The following ENOX1 variants were observed in gnomAD, a reference collection of about 807,000 sequenced individuals.
The protein encoded by ENOX1 is ecto-NOX disulfide-thiol exchanger 1.
In ENOX1, 42 loss-of-function variants were observed where a neutral mutation model predicts 82.5. The ratio of observed to expected loss-of-function variants is 0.51; its 90% CI spans 0.40 to 0.66. ENOX1 has a LOEUF of 0.66. ENOX1 is among the 30% of genes least tolerant of loss of function. The pLI is 0.00. For synonymous variants in ENOX1, 271 were observed against 282.2 expected (o/e 0.96, Z 0.40); for missense variants, 608 against 811.6 (o/e 0.75, Z 3.05).
intron 15 of ENOX1, among the ~76,000 whole-genome samples, chr13:43,234,214 G>C (rs952624864): frequency 6.6e-6 from 1 of 152,034 alleles, no homozygotes; most frequent in African/African-American, 2.4e-5. Context: ...CCATTTTGCT[G>C]GTCTTGGAAA....
intron 2 of ENOX1, among the ~76,000 whole-genome samples, chr13:43,655,311 G>C (rs12050056): frequency 0.08 from 12,109 of 152,204 alleles, 628 homozygotes; most frequent in East Asian, 0.27. Flanking sequence ...TGTTCCACAA[G>C]GCATTTGGAC....
At chr13:43,380,849 A>T (rs375226430) in intron 5 of ENOX1, among the ~76,000 whole-genome samples, 1 of 151,796 alleles carries the variant, frequency 6.6e-6, no homozygotes, top group African/African-American at 2.4e-5. Flanking sequence ...CAATTTAACA[A>T]GAAAATATAA....
chr13:43,584,649 G>A (rs2080896373), intron 2 of ENOX1, among the ~76,000 whole-genome samples: 1 of 152,156 alleles, frequency 6.6e-6, no homozygotes, highest in African/African-American at 2.4e-5. Context: ...AATTTTAATA[G>A]CAATGAAATA....
chr13:43,655,164 T>C (rs1280142156), intron 2 of ENOX1, among the ~76,000 whole-genome samples: 1 of 152,174 alleles, frequency 6.6e-6, no homozygotes, highest in African/African-American at 2.4e-5. Flanking sequence ...CTGGATGATC[T>C]TCTGGGAATG....
chr13:43,408,136 A>ATG (rs1006060831), intron 5 of ENOX1, among the ~76,000 whole-genome samples: 4 of 152,218 alleles, frequency 2.6e-5, no homozygotes, highest in African/African-American at 9.6e-5. Context: ...TTTGGTGATG[A>ATG]TGAAAGGGGA....
intron 12 of ENOX1, among the ~76,000 whole-genome samples, chr13:43,269,784 G>A (rs369310455): frequency 7.2e-5 from 11 of 152,240 alleles, no homozygotes; most frequent in African/African-American, 2.4e-4. Flanking sequence ...TGATACTGAT[G>A]CACAAAACTT....
At chr13:43,721,963 G>A (rs1016050245) in intron 1 of ENOX1, among the ~76,000 whole-genome samples, 1 of 152,120 alleles carries the variant, frequency 6.6e-6, no homozygotes, top group Non-Finnish European at 1.5e-5. Context: ...CCCTGCTCTC[G>A]ACTCTGTTAA....
At chr13:43,690,258 TA>T (rs5803202) in intron 1 of ENOX1, among the ~76,000 whole-genome samples, 112,508 of 139,378 alleles carry the variant, frequency 0.81, 46,237 homozygotes, top group Non-Finnish European at 0.9. Context: ...ATAAATAAGT[TA>T]AAAAAAAAAA....
rs140645470 is a variant in ENOX1 at position 43,691,351 on chromosome 13, C to T, written c.-284-23807G>A. Reference sequence around the variant, plus strand: ...GTACCTCTCGTCATCTTCTTGCCTACTGCCTAATTTCTCTGGAATCCATCC... The same window carrying T: ...GTACCTCTCGTCATCTTCTTGCCTATTGCCTAATTTCTCTGGAATCCATCC... On this transcript the variant is annotated intron_variant, in intron 1 of 16. Transcript: ENST00000690772. Among the ~76,000 whole-genome samples, 540 of 152,004 alleles carry T rather than the reference C, an allele frequency of 3.6e-3. 4 individuals are homozygous for T. The highest frequency in any genetic ancestry group is 2.9e-3 in the Non-Finnish European group (199 of 67,964).
chr13:43,366,301 G>T (rs944891627), intron 5 of ENOX1, among the ~76,000 whole-genome samples: 1 of 150,368 alleles, frequency 6.7e-6, no homozygotes, highest in African/African-American at 2.4e-5. Context: ...TTTGACATGA[G>T]TGTTGCACTG....
intron 1 of ENOX1, among the ~76,000 whole-genome samples, chr13:43,703,276 G>T (rs1454289061): frequency 2.0e-5 from 3 of 152,196 alleles, no homozygotes; most frequent in African/African-American, 7.2e-5. Context: ...TTCCTCAGGT[G>T]CAGTGTGTAC....
intron 5 of ENOX1, among the ~76,000 whole-genome samples, chr13:43,382,212 T>C (rs149992109): frequency 9.3e-4 from 142 of 152,100 alleles, no homozygotes; most frequent in African/African-American, 3.4e-3. Context: ...TAAAAAGTAA[T>C]TCACGTAATT....
At chr13:43,413,774 AATTAAAC>A (rs1424266129) in intron 3 of ENOX1, among the ~76,000 whole-genome samples, 2 of 148,084 alleles carry the variant, frequency 1.4e-5, no homozygotes, top group African/African-American at 2.4e-5. Flanking sequence ...TAAATATAAC[AATTAAAC>A]ATTAAAGTTA....
At chr13:43,634,938 T>C (rs950841858) in intron 2 of ENOX1, among the ~76,000 whole-genome samples, 2 of 152,232 alleles carry the variant, frequency 1.3e-5, no homozygotes, top group African/African-American at 4.8e-5. Flanking sequence ...TATCTGCTGC[T>C]TACTAATCAG....
At chr13:43,235,299 A>C (rs1360211007) in intron 15 of ENOX1, among the ~76,000 whole-genome samples, 1 of 152,236 alleles carries the variant, frequency 6.6e-6, no homozygotes, top group African/African-American at 2.4e-5. Flanking sequence ...TTGATGTCAT[A>C]TTCAATAACC....
chr13:43,323,429 G>T (rs1313641218), intron 10 of ENOX1, among the ~76,000 whole-genome samples: 1 of 152,176 alleles, frequency 6.6e-6, no homozygotes, highest in Non-Finnish European at 1.5e-5. Flanking sequence ...ATACAAGGCT[G>T]TTTACATGTA....
At chr13:43,730,441 C>A (rs543520885) in intron 1 of ENOX1, among the ~76,000 whole-genome samples, 1 of 152,312 alleles carries the variant, frequency 6.6e-6, no homozygotes, top group African/African-American at 2.4e-5. Flanking sequence ...GAACCTACAT[C>A]CGATCACTCT....
At chr13:43,773,839 T>A (rs1223665513) in intron 1 of ENOX1, among the ~76,000 whole-genome samples, 1 of 152,172 alleles carries the variant, frequency 6.6e-6, no homozygotes, top group African/African-American at 2.4e-5. Context: ...GTTCCCAGCA[T>A]CTCATGTGAA....
At chr13:43,486,703 G>A (rs1204409464) in intron 2 of ENOX1, among the ~76,000 whole-genome samples, 1 of 152,188 alleles carries the variant, frequency 6.6e-6, no homozygotes, top group Admixed American at 6.5e-5. Context: ...TGGCGGGGGT[G>A]TTCCTGCTTC....
Sources: allele counts gnomAD v4.1 joint callset (sites outside exome capture counted in the v4.1 genomes callset), GRCh38; gene constraint gnomAD v4.1.1; transcripts MANE v1.5; gene names NCBI Gene and HGNC (gene_info 2026-07-23, HGNC 2026-07-21).